KCNQ1: variants seen among roughly 807,000 people sequenced by gnomAD.
KCNQ1 encodes potassium voltage-gated channel subfamily KQT member 1.
A neutral mutation model predicts 72.4 loss-of-function variants in KCNQ1; 49 were observed. That is an observed-to-expected ratio of 0.68 (90% confidence interval 0.54 to 0.86). The LOEUF is 0.86. Among genes scored for constraint, KCNQ1 ranks in the 40% least tolerant of loss-of-function variants. The pLI is 0.00. For missense variants in KCNQ1, 790 were observed against 945.1 expected (o/e 0.84, Z 2.15); for synonymous variants, 450 against 412.6 (o/e 1.09, Z -1.10).
intron 11 of KCNQ1, among the ~76,000 whole-genome samples, chr11:2,733,842 T>G (rs1226722695): frequency 3.0e-4 from 11 of 37,226 alleles, no homozygotes; most frequent in East Asian, 1.3e-3. Flanking sequence ...TCTCTCTCTC[T>G]CTCTCTCTCT....
chr11:2,686,667 G>A (rs1250409323), intron 11 of KCNQ1: 5 of 398,488 alleles, frequency 1.3e-5, no homozygotes, highest in African/African-American at 8.2e-5. Context: ...TGGATCAAGT[G>A]TGGGTCCCAG....
intron 11 of KCNQ1, among the ~76,000 whole-genome samples, chr11:2,700,823 C>T (rs1850795834): frequency 6.6e-6 from 1 of 152,092 alleles, no homozygotes; most frequent in South Asian, 2.1e-4. Flanking sequence ...GCCGGCCCCT[C>T]CCCTTGTCCG....
intron 10 of KCNQ1, chr11:2,630,010 A>T (rs961645951): frequency 2.5e-6 from 1 of 397,098 alleles, no homozygotes. Context: ...CTTAGAGGAG[A>T]GGCATTCAGC....
chr11:2,548,386 G>A (rs566273757), intron 2 of KCNQ1, among the ~76,000 whole-genome samples: 2 of 152,338 alleles, frequency 1.3e-5, no homozygotes, highest in East Asian at 3.9e-4. Flanking sequence ...ATATCCATGC[G>A]TATAATCGGT....
chr11:2,688,762 CCACCTATACCA>C (rs1230518622), intron 11 of KCNQ1: 1 of 398,836 alleles, frequency 2.5e-6, no homozygotes. Flanking sequence ...GTGGCAGTTT[CCACCTATACCA>C]CACCTATATA....
intron 1 of KCNQ1, among the ~76,000 whole-genome samples, chr11:2,487,777 G>A (rs1190460823): frequency 6.6e-6 from 1 of 152,088 alleles, no homozygotes; most frequent in Admixed American, 6.5e-5. Flanking sequence ...ATCTTTAGGG[G>A]TTTCTACATA....
At chr11:2,640,232 C>T (rs941204978) in intron 10 of KCNQ1, 54 of 395,374 alleles carry the variant, frequency 1.4e-4, no homozygotes, top group Middle Eastern at 1.3e-3. Context: ...ACTGTCTTGA[C>T]GAGCCCCAGT....
intron 1 of KCNQ1, among the ~76,000 whole-genome samples, chr11:2,512,085 C>G (rs1011050711): frequency 6.6e-6 from 1 of 152,202 alleles, no homozygotes; most frequent in Non-Finnish European, 1.5e-5. Flanking sequence ...TGTGTCTCAT[C>G]CCAGGGTTAG....
chr11:2,790,631 G>A (rs1847002679), intron 15 of KCNQ1, among the ~76,000 whole-genome samples: 1 of 152,228 alleles, frequency 6.6e-6, no homozygotes, highest in Admixed American at 6.5e-5. Flanking sequence ...ACACGCGATG[G>A]CTGTGAGACT....
intron 15 of KCNQ1, among the ~76,000 whole-genome samples, chr11:2,812,868 A>G (rs1455105129): frequency 6.6e-6 from 1 of 152,068 alleles, no homozygotes. Context: ...TGTGAGTGGC[A>G]CCCTGGGGTT....
At chr11:2,684,536 A>G in intron 11 of KCNQ1, 1 of 398,606 alleles carries the variant, frequency 2.5e-6, no homozygotes, top group South Asian at 1.3e-4. Flanking sequence ...GAAAAGCAAT[A>G]TATTTGATGC....
At position 2,572,870 on chromosome 11, in the gene KCNQ1, G is replaced by A. The variant is rs120074193; in HGVS notation, c.805G>A (p.Gly269Ser). The A allele has an allele frequency of 1.9e-5, 30 of 1,613,810 alleles. No homozygotes were observed. Among genetic ancestry groups the A allele is most frequent in the Non-Finnish European group, 2.3e-5 (27 of 1,180,020 alleles). Residue 269 changes from glycine to serine, a missense_variant, in exon 6 of 16, where the codon GGC becomes AGC. Gly to Ser is a moderately conservative substitution (Grantham distance 56). Around this residue, in one of 5 missense-constraint regions of KCNQ1, gnomAD observed 133 missense variants for 219.5 expected, o/e 0.61. Transcript: ENST00000155840. ...GGAGCTGATAACCACCCTGTACATC[G>A]GCTTCCTGGGCCTCATCTTCTCCTC... Reference protein sequence around the residue: ...RQELITTLYIGFLGLIFSSYF... With the variant: ...RQELITTLYISFLGLIFSSYF...
intron 11 of KCNQ1, among the ~76,000 whole-genome samples, chr11:2,716,132 G>A (rs747337360): frequency 1.3e-5 from 2 of 152,210 alleles, no homozygotes; most frequent in Admixed American, 6.5e-5. Context: ...TTTGGTTGCC[G>A]GATCCTCATT....
rs1851186271 is a variant in KCNQ1, at chr11:2,720,620, C to A, written c.1515-48224C>A. ...GAGTGTCCTATGTTGGGGGTGTCAG[C>A]CTGGGTGTCAAGGCTGAAGAGGGGA... On this transcript the variant is annotated intron_variant, in intron 11 of 15. Coordinates refer to ENST00000155840, the MANE Select transcript of KCNQ1 (RefSeq NM_000218.3). This position sits in a 1 kb window ranked among gnomAD's most constrained non-coding sequence, Gnocchi z 5.1. Among the ~76,000 whole-genome samples, 1 of 152,106 alleles carries A rather than the reference C, an allele frequency of 6.6e-6. No homozygotes were observed. Among genetic ancestry groups the A allele is most frequent in the Admixed American group, 6.5e-5 (1 of 15,284 alleles).
intron 15 of KCNQ1, among the ~76,000 whole-genome samples, chr11:2,814,213 G>GGT (rs1847558327): frequency 2.0e-5 from 3 of 150,506 alleles, no homozygotes; most frequent in African/African-American, 7.4e-5. Flanking sequence ...TGCATGAATG[G>GGT]ATAGAGGTGG....
intron 11 of KCNQ1, chr11:2,685,219 G>A (rs1311793230): frequency 1.8e-5 from 7 of 398,494 alleles, no homozygotes; most frequent in African/African-American, 6.2e-5. Flanking sequence ...GCTCACACAC[G>A]GAGGCACTAC....
chr11:2,474,337 G>A (rs1846538745), intron 1 of KCNQ1, among the ~76,000 whole-genome samples: 1 of 152,194 alleles, frequency 6.6e-6, no homozygotes, highest in Non-Finnish European at 1.5e-5. Context: ...TAGGGCAGAT[G>A]CCAGGGCAGT....
rs937984131 is a variant in KCNQ1, at chr11:2,723,924, G to A, written c.1515-44920G>A. ...TTGGGGGATGTGCCGCAGGGATGGG[G>A]CATCTCAGCCTTTGTATCTGCCGTG... On this transcript the variant is annotated intron_variant, in intron 11 of 15. Coordinates refer to ENST00000155840, the MANE Select transcript of KCNQ1 (RefSeq NM_000218.3). This position sits in a 1 kb window ranked among gnomAD's most constrained non-coding sequence, Gnocchi z 4.2. Among the ~76,000 whole-genome samples the A allele has an allele frequency of 6.6e-5, 10 of 152,240 alleles. No individual in the cohort carries two copies. The highest frequency in any genetic ancestry group is 6.5e-4 in the Admixed American group (10 of 15,288).
chr11:2,662,024 C>T lies in KCNQ1; in HGVS notation c.1457C>T (p.Ala486Val). 7 of 1,614,228 alleles carry T rather than the reference C, an allele frequency of 4.3e-6. No homozygotes were observed. The highest frequency in any genetic ancestry group is 5.9e-6 in the Non-Finnish European group (7 of 1,180,034). The change falls in exon 11 of 16, where the codon GCC (alanine) becomes GTC (valine). Residue 486 changes from alanine to valine, a missense_variant. By Grantham distance (64) the Ala-to-Val change is moderately conservative. Around this residue, in one of 5 missense-constraint regions of KCNQ1, gnomAD observed 178 missense variants for 177.9 expected, o/e 1.00. Coordinates refer to ENST00000155840, the MANE Select transcript of KCNQ1 (RefSeq NM_000218.3). Reference protein sequence around the residue: ...MPHFMRTNSFAEDLDLEGETL... With the variant: ...MPHFMRTNSFVEDLDLEGETL... ...CATTTCATGAGAACCAACAGCTTCG[C>T]CGAGGACCTGGACCTGGAAGGGGAG...
Sources: gnomAD v4.1 joint callset for allele counts (sites outside exome capture counted in the v4.1 genomes callset) on GRCh38, gnomAD v4.1.1 for gene constraint, gnomAD v4.1.1 regional missense constraint, Gnocchi (gnomAD v3.1) non-coding constraint, MANE v1.5 for transcripts, NCBI Gene and HGNC (gene_info 2026-07-23, HGNC 2026-07-21) for gene names.